Variants in LRRC8B observed in about 807,000 individuals in gnomAD.
LRRC8B encodes the protein leucine rich repeat containing 8 VRAC subunit B.
In LRRC8B, 23 loss-of-function variants were observed where a neutral mutation model predicts 58.8. The ratio of observed to expected loss-of-function variants is 0.39; its 90% CI spans 0.28 to 0.55. The LOEUF (loss-of-function observed/expected upper bound fraction) is 0.55, where lower values mean the gene tolerates loss of function less well. Ranked by LOEUF, LRRC8B falls within the 20% of genes least tolerant of loss-of-function variation. The pLI is 0.62. For synonymous variants in LRRC8B, 359 were observed against 374.1 expected (o/e 0.96, Z 0.47); for missense variants, 694 against 936.0 (o/e 0.74, Z 3.37).
At chr1:89,553,435 G>A (rs931490800) in intron 1 of LRRC8B, among the ~76,000 whole-genome samples, 1 of 152,100 alleles carries the variant, frequency 6.6e-6, no homozygotes, top group Non-Finnish European at 1.5e-5. Context: ...GTTTAACCTG[G>A]CCCAGAATAT....
At chr1:89,588,397 G>A (rs1654772379) in intron 5 of LRRC8B, among the ~76,000 whole-genome samples, 1 of 152,200 alleles carries the variant, frequency 6.6e-6, no homozygotes, top group African/African-American at 2.4e-5. Flanking sequence ...ATGTGTTTGA[G>A]CAAGACACCT....
At chr1:89,538,600 T>G (rs1162060916) in intron 1 of LRRC8B, among the ~76,000 whole-genome samples, 1 of 152,218 alleles carries the variant, frequency 6.6e-6, no homozygotes, top group Non-Finnish European at 1.5e-5. Context: ...TGTCAACTTT[T>G]AGTACTACAA....
At chr1:89,570,510 A>G (rs1334397795) in intron 3 of LRRC8B, among the ~76,000 whole-genome samples, 3 of 151,978 alleles carry the variant, frequency 2.0e-5, no homozygotes, top group Non-Finnish European at 4.4e-5. Context: ...GGCCATGTGT[A>G]TGTCTTCTTT....
At chr1:89,528,349 TTTC>T (rs1283677299) in intron 1 of LRRC8B, among the ~76,000 whole-genome samples, 2 of 152,356 alleles carry the variant, frequency 1.3e-5, no homozygotes, top group East Asian at 3.9e-4. Context: ...TTCCTTTTGA[TTTC>T]TTCTCAGGTA....
intron 1 of LRRC8B, among the ~76,000 whole-genome samples, chr1:89,536,535 T>C (rs1650551807): frequency 6.6e-6 from 1 of 152,174 alleles, no homozygotes; most frequent in Non-Finnish European, 1.5e-5. Context: ...TCAGGCACTG[T>C]TTACAGGCAC....
chr1:89,551,162 C>G (rs1042456852), intron 1 of LRRC8B, among the ~76,000 whole-genome samples: 1 of 152,030 alleles, frequency 6.6e-6, no homozygotes, highest in Non-Finnish European at 1.5e-5. Context: ...TTTTCCTGCT[C>G]CAGCCCCTGC....
At chr1:89,579,887 T>C (rs924681597) in intron 4 of LRRC8B, among the ~76,000 whole-genome samples, 199 bp downstream of exon 4, 2 of 152,360 alleles carry the variant, frequency 1.3e-5, no homozygotes, top group East Asian at 3.9e-4. Flanking sequence ...AATTTAGAGC[T>C]GAAAGAACCC....
At chr1:89,579,712 T>A (rs941202334) in intron 4 of LRRC8B, 24 bp downstream of exon 4, 2 of 152,610 alleles carry the variant, frequency 1.3e-5, no homozygotes, top group Non-Finnish European at 2.9e-5. Context: ...TTTAAAACAC[T>A]TTTTTTGGTC....
At chr1:89,543,160 C>T (rs894864292) in intron 1 of LRRC8B, among the ~76,000 whole-genome samples, 1 of 152,188 alleles carries the variant, frequency 6.6e-6, no homozygotes, top group African/African-American at 2.4e-5. Context: ...TCAATCTTCA[C>T]ATTTTCTGAA....
intron 5 of LRRC8B, chr1:89,588,016 G>T (rs186100893): frequency 6.6e-6 from 1 of 152,146 alleles, no homozygotes; most frequent in Admixed American, 6.6e-5. Flanking sequence ...TGTTAGCCCC[G>T]GTTCAAAGTC....
intron 1 of LRRC8B, chr1:89,558,890 A>G (rs1368087624): frequency 1.3e-5 from 2 of 152,154 alleles, no homozygotes; most frequent in East Asian, 1.9e-4. Context: ...ATCACCTCCT[A>G]AATGCTCCAT....
At chr1:89,545,900 A>G (rs529908375) in intron 1 of LRRC8B, among the ~76,000 whole-genome samples, 3 of 152,354 alleles carry the variant, frequency 2.0e-5, no homozygotes, top group South Asian at 2.1e-4. Context: ...GAATGTATGC[A>G]GTACTGAAAT....
intron 1 of LRRC8B, among the ~76,000 whole-genome samples, chr1:89,545,735 A>C (rs1464613066): frequency 1.3e-5 from 2 of 152,206 alleles, no homozygotes; most frequent in Non-Finnish European, 2.9e-5. Context: ...AGTTAAGAAC[A>C]AGAAGACAAC....
In LRRC8B at chr1:89,557,128, G is replaced by A. The variant is rs116751072; in HGVS notation, c.-240-11119G>A. Among the ~76,000 whole-genome samples the A allele has an allele frequency of 2.8e-3, 433 of 152,300 alleles. 7 individuals carry two copies. Among genetic ancestry groups the A allele is most frequent in the African/African-American group, 9.7e-3 (403 of 41,566 alleles). On this transcript the variant is annotated intron_variant, in intron 1 of 5. Transcript: ENST00000330947. The stretch of plus-strand genomic sequence containing the variant: ...TTGGAGAAGAATTTTCTACTGAGAT[G>A]GTTGTTTTGTCACAGTGAAACAAAT...
chr1:89,554,007 A>G (rs1231801427), intron 1 of LRRC8B, among the ~76,000 whole-genome samples: 5 of 152,178 alleles, frequency 3.3e-5, no homozygotes, highest in African/African-American at 1.2e-4. Context: ...AAAGATTTGA[A>G]TATTCTAAAA....
chr1:89,542,106 G>A (rs561421171), intron 1 of LRRC8B, among the ~76,000 whole-genome samples: 1 of 152,244 alleles, frequency 6.6e-6, no homozygotes, highest in Non-Finnish European at 1.5e-5. Flanking sequence ...CCAAAAATAT[G>A]GAACTAGACA....
Position 89,582,841 on chromosome 1 carries a change from A to G in LRRC8B, c.191A>G (p.Asn64Ser), listed in dbSNP as rs769275630. ...CCLPCKVEFDNHCAVPWDILK... is the reference protein window; with the variant it reads ...CCLPCKVEFDSHCAVPWDILK... ...CTTCCATGCAAAGTGGAATTTGACA[A>G]TCACTGTGCCGTGCCTTGGGACATC... Residue 64 changes from asparagine (N) to serine (S), a missense_variant, in exon 5 of 6, where the codon AAT (asparagine) becomes AGT (serine). Physicochemically the swap from Asn to Ser is conservative, Grantham distance 46. Transcript: ENST00000330947. 38 of 1,614,080 alleles carry G rather than the reference A, an allele frequency of 2.4e-5. No individual in the cohort carries two copies. The highest frequency in any genetic ancestry group is 1.3e-5 in the African/African-American group (1 of 74,924).
chr1:89,572,619 G>A (rs1309315792), intron 3 of LRRC8B: 3 of 152,170 alleles, frequency 2.0e-5, no homozygotes, highest in African/African-American at 7.2e-5. Flanking sequence ...AAAGGTGAGA[G>A]TGTGATTCAG....
rs1654352559 is a variant in LRRC8B at position 89,583,019 on chromosome 1, T to C, written c.369T>C (p.Tyr123=). The change falls in exon 5 of 6, where the codon TAT becomes TAC. Residue 123 remains tyrosine (Y), a synonymous_variant. Coordinates refer to ENST00000330947, the MANE Select transcript of LRRC8B (RefSeq NM_001369817.2). The surrounding 1 kb of genome is among the most constrained non-coding windows in gnomAD (Gnocchi z 5.2). ...QLHWFAKFFP[Y]LVLLHTLIFA... is the part of the protein sequence containing the mutation. ...ATTGGTTTGCAAAGTTTTTCCCCTA[T>C]CTGGTGCTCTTGCACACGCTCATCT... The C allele has an allele frequency of 6.2e-7, 1 of 1,614,196 alleles. No homozygotes were observed. The highest frequency in any genetic ancestry group is 8.5e-7 in the Non-Finnish European group (1 of 1,180,036).
Sources: gnomAD v4.1 joint callset for allele counts (sites outside exome capture counted in the v4.1 genomes callset) on GRCh38, gnomAD v4.1.1 for gene constraint, Gnocchi (gnomAD v3.1) non-coding constraint, MANE v1.5 for transcripts, NCBI Gene and HGNC (gene_info 2026-07-23, HGNC 2026-07-21) for gene names.